The following FAM227B variants were observed in gnomAD, a reference collection of about 807,000 sequenced individuals.
FAM227B encodes the protein family with sequence similarity 227 member B.
A neutral mutation model predicts 73.8 loss-of-function variants in FAM227B; 88 were observed. The ratio of observed to expected loss-of-function variants is 1.19; its 90% CI spans 1.00 to 1.42. The LOEUF (loss-of-function observed/expected upper bound fraction) is 1.42. Among genes scored for constraint, FAM227B ranks in the 40% most tolerant of loss-of-function variants. FAM227B has a pLI of 0.00. For synonymous variants in FAM227B, 210 were observed against 190.5 expected, an observed-to-expected ratio of 1.10 and a Z score of -0.84; for missense variants, 632 against 590.9, an observed-to-expected ratio of 1.07 and a Z score of -0.72.
At chr15:49,590,747 C>T (rs1430859251) in intron 3 of FAM227B, among the ~76,000 whole-genome samples, 2 of 152,096 alleles carry the variant, frequency 1.3e-5, no homozygotes, top group African/African-American at 2.4e-5. Flanking sequence ...TAACTGTAAT[C>T]ATCATGCTGA....
chr15:49,539,377 T>C (rs142209337), intron 10 of FAM227B, among the ~76,000 whole-genome samples: 6 of 152,294 alleles, frequency 3.9e-5, no homozygotes, highest in Admixed American at 3.9e-4. Context: ...CAGGTTCAGT[T>C]TGTGGGCATC....
chr15:49,469,190 C>T (rs769003997), intron 11 of FAM227B, among the ~76,000 whole-genome samples: 2 of 152,018 alleles, frequency 1.3e-5, no homozygotes, highest in Non-Finnish European at 2.9e-5. Context: ...TCTTATAAGA[C>T]ATTTGTCTAT....
At chr15:49,476,991 C>T (rs1213303387) in intron 11 of FAM227B, among the ~76,000 whole-genome samples, 2 of 150,216 alleles carry the variant, frequency 1.3e-5, no homozygotes, top group Non-Finnish European at 2.9e-5. Context: ...ACCTGGGAGG[C>T]GGAGCTTGCA....
chr15:49,529,302 A>G (rs1171046530), intron 10 of FAM227B, among the ~76,000 whole-genome samples: 3 of 151,516 alleles, frequency 2.0e-5, no homozygotes, highest in Non-Finnish European at 4.4e-5. Flanking sequence ...TAAAAAAAAG[A>G]CACTGAGGAC....
intron 11 of FAM227B, among the ~76,000 whole-genome samples, chr15:49,397,439 G>A (rs1197982498): frequency 1.3e-5 from 2 of 152,086 alleles, no homozygotes; most frequent in Non-Finnish European, 2.9e-5. Flanking sequence ...ATATTATCCA[G>A]GAGAACTTCC....
chr15:49,492,467 T>G (rs1402980065), intron 11 of FAM227B, among the ~76,000 whole-genome samples: 3 of 151,930 alleles, frequency 2.0e-5, no homozygotes, highest in Non-Finnish European at 4.4e-5. Context: ...TTTAAGTTTC[T>G]ATAGTTTACA....
At chr15:49,551,394 C>T (rs989886432) in intron 9 of FAM227B, among the ~76,000 whole-genome samples, 21 of 152,116 alleles carry the variant, frequency 1.4e-4, no homozygotes, top group African/African-American at 5.1e-4. Flanking sequence ...GTATTTAAGT[C>T]TATTTTGTCT....
intron 10 of FAM227B, among the ~76,000 whole-genome samples, chr15:49,525,357 C>T (rs1471873376): frequency 6.6e-6 from 1 of 151,992 alleles, no homozygotes; most frequent in African/African-American, 2.4e-5. Context: ...ACTTGTTCCT[C>T]CTTGCCTTCT....
At chr15:49,376,969 A>T (rs2046204076) in intron 11 of FAM227B, among the ~76,000 whole-genome samples, 1 of 151,744 alleles carries the variant, frequency 6.6e-6, no homozygotes, top group Non-Finnish European at 1.5e-5. Context: ...GGTCTTATTC[A>T]TTTTTTCTAG....
chr15:49,612,338 C>G, intron 2 of FAM227B, among the ~76,000 whole-genome samples: 1 of 152,168 alleles, frequency 6.6e-6, no homozygotes. Context: ...TGAGAACATG[C>G]GGTGTTTGTT....
At chr15:49,339,027 TC>T (rs2040254095) in intron 13 of FAM227B, among the ~76,000 whole-genome samples, 1 of 152,184 alleles carries the variant, frequency 6.6e-6, no homozygotes, top group African/African-American at 2.4e-5. Context: ...TAGCAATTCA[TC>T]TAACCTTTTT....
chr15:49,563,215 A>T (rs28842346), intron 9 of FAM227B, among the ~76,000 whole-genome samples: 49,404 of 151,914 alleles, frequency 0.33, 8,769 homozygotes, highest in African/African-American at 0.45. Flanking sequence ...TAAAGCTGAG[A>T]GCCAAATTAA....
At chr15:49,506,272 A>G (rs531694784) in intron 11 of FAM227B, among the ~76,000 whole-genome samples, 1 of 152,158 alleles carries the variant, frequency 6.6e-6, no homozygotes, top group Non-Finnish European at 1.5e-5. Flanking sequence ...TAGGATTTTC[A>G]GGCCAATGTA....
chr15:49,327,913 C>G lies in FAM227B; in HGVS notation c.*655G>C. The G allele has an allele frequency of 2.5e-6, 4 of 1,574,948 alleles. No individual in the cohort carries two copies. The highest frequency in any genetic ancestry group is 3.5e-6 in the Non-Finnish European group (4 of 1,155,720). Reference sequence around the variant, plus strand: ...ACACCAAGCAAATCCCTTGTATTTTCATTTATAGGTTCTAATATTTTTTTC... The same window carrying G: ...ACACCAAGCAAATCCCTTGTATTTTGATTTATAGGTTCTAATATTTTTTTC... On this transcript the variant is annotated 3_prime_UTR_variant, in exon 16 of 16. Transcript: ENST00000299338.
chr15:49,591,767 G>C (rs867680275), intron 3 of FAM227B, among the ~76,000 whole-genome samples: 4 of 152,110 alleles, frequency 2.6e-5, no homozygotes, highest in African/African-American at 9.7e-5. Flanking sequence ...TTACAGGCAT[G>C]AGCCACTGTG....
chr15:49,489,859 TTTA>T (rs1567382846), intron 11 of FAM227B, among the ~76,000 whole-genome samples: 91 of 5,152 alleles, frequency 0.018, 13 homozygotes, highest in African/African-American at 0.027. Flanking sequence ...ATATATATAT[TTTA>T]TATATATATA....
In FAM227B at chr15:49,588,056, C is replaced by T. The variant is rs1278819159; in HGVS notation, c.365G>A (p.Gly122Glu). The stretch of plus-strand genomic sequence containing the variant: ...CTTATGGTACTTCTTTAGAAATTCC[C>T]CATATCGTTCCAATTTTCTATAAGA... ...TSSYRKLERY[G>E]EFLKKYHKKK... Residue 122 changes from glycine to glutamate, a missense_variant, in exon 5 of 16, where the codon GGG becomes GAG. Gly to Glu is a moderately conservative substitution (Grantham distance 98). Coordinates refer to ENST00000299338, the MANE Select transcript of FAM227B (RefSeq NM_152647.3). 17 of 1,422,014 alleles carry T rather than the reference C, an allele frequency of 1.2e-5. No homozygotes were observed. The highest frequency in any genetic ancestry group is 1.4e-5 in the Non-Finnish European group (15 of 1,061,412). The allele number at this position is 1,422,014 out of a possible 1,614,324, so 88.1% of individuals were successfully genotyped here. A position where few individuals can be genotyped will look rare whatever the true frequency, so the allele number is the denominator to read the frequency against.
intron 11 of FAM227B, chr15:49,424,211 G>C (rs1158134644): frequency 3.4e-6 from 4 of 1,178,392 alleles, no homozygotes; most frequent in Admixed American, 3.8e-5. Context: ...TTCACAGATA[G>C]GAAGAGGTCA....
intron 11 of FAM227B, among the ~76,000 whole-genome samples, chr15:49,402,818 T>G (rs1378364524): frequency 6.6e-6 from 1 of 152,198 alleles, no homozygotes; most frequent in Non-Finnish European, 1.5e-5. Context: ...AATGCTATGT[T>G]GAATAGGAGT....
Sources: allele counts gnomAD v4.1 joint callset (sites outside exome capture counted in the v4.1 genomes callset), GRCh38; gene constraint gnomAD v4.1.1; transcripts MANE v1.5; gene names NCBI Gene and HGNC (gene_info 2026-07-23, HGNC 2026-07-21).